JMJD1C: variants seen among roughly 807,000 people sequenced by gnomAD.
JMJD1C encodes jumonji domain-containing protein 1C.
Under a neutral mutation model 245.3 loss-of-function variants are expected in JMJD1C, and 31 were observed. The observed-to-expected ratio is 0.13, with a 90% CI of 0.09 to 0.17. The LOEUF is 0.17. Among genes scored for constraint, JMJD1C ranks in the 10% least tolerant of loss-of-function variants. The pLI, the probability that JMJD1C is intolerant of heterozygous loss-of-function variation, is 1.00. For missense variants in JMJD1C, 2,691 were observed against 3,000.2 expected (o/e 0.90, Z 2.41); for synonymous variants, 1,057 against 1,017.4 (o/e 1.04, Z -0.74).
intron 24 of JMJD1C, among the ~76,000 whole-genome samples, chr10:63,173,479 T>C (rs1253198643): frequency 1.3e-5 from 2 of 152,254 alleles, no homozygotes; most frequent in East Asian, 1.9e-4. Context: ...CCCAACACTT[T>C]GGGAGGCCAA....
intron 1 of JMJD1C, among the ~76,000 whole-genome samples, chr10:63,446,880 C>T (rs1041265671): frequency 6.6e-6 from 1 of 152,048 alleles, no homozygotes; most frequent in Non-Finnish European, 1.5e-5. Context: ...CTGTATAATA[C>T]CAAGCACTTT....
At chr10:63,428,721 A>G (rs1386452550) in intron 1 of JMJD1C, among the ~76,000 whole-genome samples, 1 of 152,246 alleles carries the variant, frequency 6.6e-6, no homozygotes, top group Admixed American at 6.5e-5. Context: ...AATAAGGGCA[A>G]GAAAGTAAAA....
intron 3 of JMJD1C, among the ~76,000 whole-genome samples, chr10:63,246,552 A>G (rs1427303294): frequency 6.6e-6 from 1 of 152,200 alleles, no homozygotes; most frequent in Non-Finnish European, 1.5e-5. Flanking sequence ...ACCTGAGAGA[A>G]TTTATCACCA....
chr10:63,402,500 C>T (rs909581394), intron 1 of JMJD1C, among the ~76,000 whole-genome samples: 1 of 152,072 alleles, frequency 6.6e-6, no homozygotes, highest in Non-Finnish European at 1.5e-5. Context: ...ATGCCTTATC[C>T]CCATTCCCAA....
intron 2 of JMJD1C, among the ~76,000 whole-genome samples, chr10:63,305,684 T>TGTG (rs1274693394): frequency 1.4e-5 from 1 of 72,052 alleles, no homozygotes; most frequent in African/African-American, 4.0e-5. Context: ...GTGTGTGTGT[T>TGTG]GAAAGATCTT....
At chr10:63,334,026 G>C (rs1942440295) in intron 2 of JMJD1C, among the ~76,000 whole-genome samples, 1 of 152,134 alleles carries the variant, frequency 6.6e-6, no homozygotes, top group African/African-American at 2.4e-5. Context: ...GTAAGTAACA[G>C]AAGTGATTCA....
At chr10:63,369,385 C>A (rs1589601738) in intron 2 of JMJD1C, among the ~76,000 whole-genome samples, 1 of 151,508 alleles carries the variant, frequency 6.6e-6, no homozygotes, top group Non-Finnish European at 1.5e-5. Flanking sequence ...CAAGTGATAC[C>A]CCCCACCTCA....
At chr10:63,192,258 TAAAAAAAA>T (rs10604690) in intron 16 of JMJD1C, among the ~76,000 whole-genome samples, 60 of 110,372 alleles carry the variant, frequency 5.4e-4, no homozygotes, top group Non-Finnish European at 9.0e-4. Flanking sequence ...CTACAAAAAC[TAAAAAAAA>T]AAAAAAAAAA....
chr10:63,278,154 G>C (rs1183275270), intron 2 of JMJD1C, among the ~76,000 whole-genome samples: 2 of 151,926 alleles, frequency 1.3e-5, no homozygotes, highest in Admixed American at 1.3e-4. Flanking sequence ...TGAAATACAG[G>C]CTGGATGATA....
chr10:63,442,501 T>C (rs1242027076), intron 1 of JMJD1C, among the ~76,000 whole-genome samples: 2 of 152,214 alleles, frequency 1.3e-5, no homozygotes, highest in African/African-American at 2.4e-5. Flanking sequence ...CTTCTAGCAA[T>C]GCAGCAGAAT....
chr10:63,184,391 C>T (rs762083028), intron 21 of JMJD1C, among the ~76,000 whole-genome samples: 8 of 152,120 alleles, frequency 5.3e-5, no homozygotes, highest in Non-Finnish European at 8.8e-5. Context: ...TATAGGCGCA[C>T]GCCACCACAC....
At chr10:63,196,767 G>A (rs1368509222) in intron 13 of JMJD1C, among the ~76,000 whole-genome samples, 1 of 151,844 alleles carries the variant, frequency 6.6e-6, no homozygotes, top group African/African-American at 2.4e-5. Flanking sequence ...AAATTGCCTT[G>A]GATAATCTTT....
chr10:63,221,363 T>C (rs1848577236), intron 3 of JMJD1C, among the ~76,000 whole-genome samples: 1 of 151,666 alleles, frequency 6.6e-6, no homozygotes, highest in Admixed American at 6.6e-5. Flanking sequence ...TAGAATAGTA[T>C]TGTGGTAAAT....
At chr10:63,197,328 A>C in intron 13 of JMJD1C, 83 bp downstream of exon 13, 1 of 1,224,916 alleles carries the variant, frequency 8.2e-7, no homozygotes, top group Middle Eastern at 2.1e-4. Flanking sequence ...AGTAGGAATA[A>C]AAAAACACAT....
intron 1 of JMJD1C, among the ~76,000 whole-genome samples, chr10:63,496,424 C>T (rs1954369941): frequency 6.6e-6 from 1 of 152,120 alleles, no homozygotes; most frequent in Admixed American, 6.5e-5. Context: ...TCTCCTCTTC[C>T]AAGTCATCCC....
At chr10:63,500,698 C>T (rs1954518531) in intron 1 of JMJD1C, among the ~76,000 whole-genome samples, 1 of 151,182 alleles carries the variant, frequency 6.6e-6, no homozygotes, top group African/African-American at 2.4e-5. Context: ...GGCCACTGAG[C>T]CTGGGCAACA....
chr10:63,414,179 G>A (rs1029841246), intron 1 of JMJD1C, among the ~76,000 whole-genome samples: 2 of 151,658 alleles, frequency 1.3e-5, no homozygotes, highest in African/African-American at 2.4e-5. Flanking sequence ...GTACAGACAG[G>A]GTTTTACTGT....
intron 2 of JMJD1C, among the ~76,000 whole-genome samples, chr10:63,330,825 A>C (rs1167758555): frequency 2.0e-5 from 3 of 152,180 alleles, no homozygotes; most frequent in Non-Finnish European, 2.9e-5. Context: ...TCAATGCTCC[A>C]CTAAAATGCC....
chr10:63,376,610 A>C (rs1946762832), intron 2 of JMJD1C, among the ~76,000 whole-genome samples: 1 of 152,212 alleles, frequency 6.6e-6, no homozygotes, highest in Non-Finnish European at 1.5e-5. Context: ...AAAAACAGGC[A>C]AAGAACTTTA....
Sources: gnomAD v4.1 joint callset for allele counts (sites outside exome capture counted in the v4.1 genomes callset) on GRCh38, gnomAD v4.1.1 for gene constraint, MANE v1.5 for transcripts, NCBI Gene and HGNC (gene_info 2026-07-23, HGNC 2026-07-21) for gene names.